The following TRPC6 variants were observed in gnomAD, a reference collection of about 807,000 sequenced individuals.
TRPC6 encodes the protein short transient receptor potential channel 6.
A neutral mutation model predicts 90.7 loss-of-function variants in TRPC6; 55 were observed. The observed-to-expected ratio is 0.61, with a 90% confidence interval of 0.49 to 0.76. The LOEUF is 0.76. Ranked by LOEUF, TRPC6 falls within the 30% of genes least tolerant of loss-of-function variation. The pLI is 0.00. For missense variants in TRPC6, 989 were observed against 1,122.7 expected (o/e 0.88, Z 1.70); for synonymous variants, 393 against 393.0 (o/e 1.00, Z 0.00).
intron 1 of TRPC6, among the ~76,000 whole-genome samples, chr11:101,542,115 G>A (rs760419514): frequency 1.3e-5 from 2 of 152,180 alleles, no homozygotes; most frequent in African/African-American, 4.8e-5. Context: ...TGAAATTAGA[G>A]CCATAATTGT....
chr11:101,535,836 T>C (rs922629946), intron 1 of TRPC6, among the ~76,000 whole-genome samples: 1 of 152,216 alleles, frequency 6.6e-6, no homozygotes, highest in Non-Finnish European at 1.5e-5. Flanking sequence ...GAGAATATCC[T>C]TTAAATAATA....
Position 101,455,121 on chromosome 11 carries a change from A to G in TRPC6, c.2485-20T>C. On this transcript the variant is annotated intron_variant, in intron 10 of 12. Transcript: ENST00000344327. ...CCCAACCTGTAATTTGAAAAGATTT[A>G]GAAATGGATTCCTACTTACATTTTC... 1 of 1,585,332 alleles carries G rather than the reference A, an allele frequency of 6.3e-7. No individual in the cohort carries two copies. The highest frequency in any genetic ancestry group is 8.7e-7 in the Non-Finnish European group (1 of 1,154,892).
At chr11:101,574,161 T>A (rs1862025634) in intron 1 of TRPC6, among the ~76,000 whole-genome samples, 1 of 151,078 alleles carries the variant, frequency 6.6e-6, no homozygotes, top group Non-Finnish European at 1.5e-5. Context: ...ACCAATGTCC[T>A]TTTGGCACAG....
intron 1 of TRPC6, among the ~76,000 whole-genome samples, chr11:101,529,517 C>T (rs1434046917): frequency 6.6e-6 from 1 of 152,212 alleles, no homozygotes; most frequent in South Asian, 2.1e-4. Flanking sequence ...AATGCAGAAT[C>T]ATCTGAATGC....
chr11:101,528,227 T>C (rs186868683), intron 1 of TRPC6, among the ~76,000 whole-genome samples: 7 of 152,266 alleles, frequency 4.6e-5, no homozygotes, highest in Non-Finnish European at 8.8e-5. Context: ...AAAGTCAGAT[T>C]AGTGGAGTAT....
In TRPC6 at chr11:101,491,557, T is replaced by C; in HGVS notation, c.1127A>G (p.Lys376Arg). Reference protein sequence around the residue: ...LKLAIKYEVKKFVAHPNCQQQ... With the variant: ...LKLAIKYEVKRFVAHPNCQQQ... ...AACGGGCTTCACGCCTGACCTTACT[T>C]TTTTTACTTCATATTTAATGGCAAG... is the stretch of plus-strand genomic sequence containing the variant. Residue 376 changes from lysine (K) to arginine (R), a missense_variant and splice_region_variant, in exon 3 of 13, where the codon AAA becomes AGA. This residue lies in a region of TRPC6 where 486 missense variants were observed against 591.9 expected (regional missense o/e 0.82). Transcript: ENST00000344327. The C allele has an allele frequency of 6.2e-7, 1 of 1,613,806 alleles. No individual in the cohort carries two copies. The highest frequency in any genetic ancestry group is 8.5e-7 in the Non-Finnish European group (1 of 1,179,812).
At chr11:101,553,938 T>C (rs1479213310) in intron 1 of TRPC6, among the ~76,000 whole-genome samples, 1 of 152,050 alleles carries the variant, frequency 6.6e-6, no homozygotes, top group African/African-American at 2.4e-5. Flanking sequence ...CCGTTGTAAG[T>C]GTTCATAGTT....
chr11:101,473,340 A>G (rs1859337793), intron 7 of TRPC6, among the ~76,000 whole-genome samples, 169 bp downstream of exon 7: 1 of 152,144 alleles, frequency 6.6e-6, no homozygotes, highest in Non-Finnish European at 1.5e-5. Context: ...AAAGCTTCCT[A>G]TATTTTAGAG....
rs144684611 is a variant in TRPC6 at position 101,484,689 on chromosome 11, G to A, written c.1294-1524C>T. Among the ~76,000 whole-genome samples the A allele has an allele frequency of 5.3e-3, 802 of 150,664 alleles. 3 individuals carry two copies. The highest frequency in any genetic ancestry group is 0.019 in the African/African-American group (763 of 41,096). On this transcript the variant is annotated intron_variant, in intron 4 of 12. Coordinates refer to ENST00000344327, the MANE Select transcript of TRPC6 (RefSeq NM_004621.6). ...TGAGGGATTGGTTCCAGGTCCTTCC[G>A]TGGATACTAAAATCTAAGGCTACTC...
chr11:101,569,737 A>G (rs998875275), intron 1 of TRPC6, among the ~76,000 whole-genome samples: 3 of 152,186 alleles, frequency 2.0e-5, no homozygotes, highest in African/African-American at 7.2e-5. Flanking sequence ...ACACAACTAC[A>G]TAGAAACTGA....
chr11:101,551,025 A>G (rs902377224), intron 1 of TRPC6, among the ~76,000 whole-genome samples: 2 of 151,806 alleles, frequency 1.3e-5, no homozygotes, highest in African/African-American at 4.8e-5. Flanking sequence ...ATTAAGAGCA[A>G]CTATATGACT....
Position 101,504,209 on chromosome 11 carries a change from T to A in TRPC6, c.760A>T (p.Lys254Ter). ...RIERPHDYFC[K>*]CNDCNQKQKH... The stretch of plus-strand genomic sequence containing the variant: ...TGTTTCTGGTTGCAGTCATTGCACT[T>A]GCAGAAATAATCATGAGGCCGTTCA... Residue 254 changes from lysine to a stop codon, truncating the protein, a stop_gained, in exon 2 of 13, where the codon AAG becomes TAG. Transcript: ENST00000344327. LOFTEE classifies it high-confidence loss of function. 6.2e-7 allele frequency: 1 copy of A among 1,614,136 alleles called. No homozygotes were observed. Among genetic ancestry groups the A allele is most frequent in the Non-Finnish European group, 8.5e-7 (1 of 1,180,004 alleles).
At chr11:101,461,774 T>A (rs1176056634) in intron 10 of TRPC6, among the ~76,000 whole-genome samples, 2 of 152,144 alleles carry the variant, frequency 1.3e-5, no homozygotes, top group Non-Finnish European at 2.9e-5. Context: ...AACTAAGACA[T>A]GGGCTCTATC....
chr11:101,513,709 A>C (rs1046503014), intron 1 of TRPC6, among the ~76,000 whole-genome samples: 1 of 152,174 alleles, frequency 6.6e-6, no homozygotes, highest in African/African-American at 2.4e-5. Flanking sequence ...CATGCAGTCC[A>C]TTATCTTAAA....
chr11:101,541,562 T>C (rs4462305), intron 1 of TRPC6, among the ~76,000 whole-genome samples: 98,725 of 151,850 alleles, frequency 0.65, 32,366 homozygotes, highest in South Asian at 0.77. Context: ...AGGGTTTTAC[T>C]GTTTCTTATA....
chr11:101,526,542 T>G (rs1051605270), intron 1 of TRPC6, among the ~76,000 whole-genome samples: 1 of 152,128 alleles, frequency 6.6e-6, no homozygotes, highest in African/African-American at 2.4e-5. Flanking sequence ...CTTTCCAGAA[T>G]TTTCTGAACA....
intron 1 of TRPC6, among the ~76,000 whole-genome samples, chr11:101,579,361 G>A (rs764166026): frequency 6.6e-5 from 10 of 151,502 alleles, no homozygotes; most frequent in Non-Finnish European, 1.5e-5. Context: ...TTTTCATGTG[G>A]TTGTATTATC....
intron 1 of TRPC6, among the ~76,000 whole-genome samples, chr11:101,544,230 A>G (rs991476127): frequency 2.0e-5 from 3 of 152,202 alleles, no homozygotes; most frequent in Non-Finnish European, 4.4e-5. Flanking sequence ...TCAGGAAACA[A>G]CAGATGCTGG....
chr11:101,536,449 C>T (rs141656176), intron 1 of TRPC6, among the ~76,000 whole-genome samples: 26 of 147,384 alleles, frequency 1.8e-4, no homozygotes, highest in African/African-American at 5.7e-4. Context: ...TGCAAGTGCT[C>T]AGAGTGTGGT....
Sources: allele counts gnomAD v4.1 joint callset (sites outside exome capture counted in the v4.1 genomes callset), GRCh38; gene constraint gnomAD v4.1.1; regional missense constraint gnomAD v4.1.1; transcripts MANE v1.5; gene names NCBI Gene and HGNC (gene_info 2026-07-23, HGNC 2026-07-21).